The following INTS10 variants were observed in gnomAD, a reference collection of about 807,000 sequenced individuals.
INTS10 encodes the protein chromosome 8 open reading frame 35.
In INTS10, 44 loss-of-function variants were observed where a neutral mutation model predicts 94.4. The observed-to-expected ratio is 0.47, with a 90% CI of 0.37 to 0.60. The LOEUF (loss-of-function observed/expected upper bound fraction) is 0.60. Ranked by LOEUF, INTS10 falls within the 20% of genes least tolerant of loss-of-function variation. The pLI, the probability that INTS10 is intolerant of heterozygous loss-of-function variation, is 0.00. For missense variants in INTS10, 797 were observed against 868.7 expected (o/e 0.92, Z 1.04); for synonymous variants, 341 against 320.7 (o/e 1.06, Z -0.68).
At chr8:19,825,732 C>T (rs989460948) in intron 8 of INTS10, among the ~76,000 whole-genome samples, 3 of 151,876 alleles carry the variant, frequency 2.0e-5, no homozygotes, top group South Asian at 2.1e-4. Context: ...GTCGTTTTTA[C>T]GTATTGCCTT....
chr8:19,850,463 C>G (rs1196852463), intron 16 of INTS10, among the ~76,000 whole-genome samples: 1 of 149,576 alleles, frequency 6.7e-6, no homozygotes, highest in African/African-American at 2.5e-5. Flanking sequence ...TCTGTGATAG[C>G]TTTACTTATC....
chr8:19,817,793 C>G, intron 1 of INTS10, 127 bp downstream of exon 1: 12 of 1,153,674 alleles, frequency 1.0e-5, no homozygotes, highest in Non-Finnish European at 1.4e-5. Context: ...CTGCTTTCTC[C>G]CCTCCCACCC....
At chr8:19,828,989 C>G (rs2067025395) in intron 9 of INTS10, among the ~76,000 whole-genome samples, 1 of 152,054 alleles carries the variant, frequency 6.6e-6, no homozygotes, top group Non-Finnish European at 1.5e-5. Context: ...AGGAAGATAC[C>G]AAGCTCAGAA....
In INTS10 at chr8:19,851,694, C is replaced by T; in HGVS notation, c.2022C>T (p.Asp674=). 1 of 1,614,174 alleles carries T rather than the reference C, an allele frequency of 6.2e-7. No individual in the cohort carries two copies. The highest frequency in any genetic ancestry group is 1.1e-5 in the South Asian group (1 of 91,084). ...TRGITKGVKE[D]FRLAMERQVS... ...GCATCACCAAAGGCGTGAAGGAGGACTTTCGCCTGGCCATGGAGCGCCAGG... is the reference window on the plus strand; with the variant it reads ...GCATCACCAAAGGCGTGAAGGAGGATTTTCGCCTGGCCATGGAGCGCCAGG... The change falls in exon 17 of 17, where the codon GAC becomes GAT. Residue 674 remains aspartate (D), a synonymous_variant. Transcript: ENST00000397977. This position sits in a 1 kb window ranked among gnomAD's most constrained non-coding sequence, Gnocchi z 5.0.
chr8:19,825,122 G>A (rs949455219), intron 8 of INTS10, 150 bp downstream of exon 8: 1 of 667,152 alleles, frequency 1.5e-6, no homozygotes, highest in Admixed American at 3.2e-5. Context: ...GTTTTGTTTA[G>A]TTTGGCTTAA....
Position 19,851,775 on chromosome 8 carries a change from G to A in INTS10, c.2103G>A (p.Glu701=), listed in dbSNP as rs772178821. The A allele has an allele frequency of 6.2e-7, 1 of 1,614,068 alleles. No homozygotes were observed. Residue 701 remains glutamate, a synonymous_variant, in exon 17 of 17, where the codon GAG becomes GAA. Coordinates refer to ENST00000397977, the MANE Select transcript of INTS10 (RefSeq NM_018142.4). The surrounding 1 kb of genome is among the most constrained non-coding windows in gnomAD (Gnocchi z 5.0). ...MVVLHRFCIN[E]KILLLQTLT is the part of the protein sequence containing the mutation. ...TTCTGCACAGGTTCTGCATTAATGA[G>A]AAGATCTTGCTCCTTCAGACTCTGA... is the stretch of plus-strand genomic sequence containing the variant.
chr8:19,818,191 C>T (rs771317288), intron 1 of INTS10, 84 bp from the exon 2 acceptor site: 1 of 1,315,258 alleles, frequency 7.6e-7, no homozygotes, highest in South Asian at 1.2e-5. Flanking sequence ...TCCCTTCCTG[C>T]AGGAGGGCCA....
At chr8:19,824,311 G>A (rs2066622686) in intron 7 of INTS10, 1 of 254,912 alleles carries the variant, frequency 3.9e-6, no homozygotes, top group Non-Finnish European at 7.4e-6. Context: ...AGCCAACATG[G>A]TGAAACCCCA....
intron 2 of INTS10, 143 bp downstream of exon 2, chr8:19,818,485 A>G (rs1589898788): frequency 1.4e-6 from 1 of 719,448 alleles, no homozygotes. Context: ...TAAGGAGTCC[A>G]GGCCTGCCAT....
chr8:19,838,213 G>C (rs1447962954), intron 13 of INTS10, among the ~76,000 whole-genome samples: 1 of 151,962 alleles, frequency 6.6e-6, no homozygotes, highest in Admixed American at 6.6e-5. Context: ...AAAATTACCC[G>C]GGTGTGGTGG....
In INTS10 at chr8:19,849,067, T is replaced by C. The variant is rs2068809268; in HGVS notation, c.1977-2582T>C. The C allele has an allele frequency of 7.9e-6, 4 of 507,412 alleles. No homozygotes were observed. The Admixed American group carries it at 9.8e-5, about 12-fold the overall frequency. The allele number at this position is 507,412 out of a possible 1,614,324, so 31.4% of individuals were successfully genotyped here. ...GTTAATGAGTTTCTGTTTAGTCTGC[T>C]TCTAGTCTTGTGTATTTTCTCTGGA... On this transcript the variant is annotated intron_variant, in intron 16 of 16. Coordinates refer to ENST00000397977, the MANE Select transcript of INTS10 (RefSeq NM_018142.4). This position sits in a 1 kb window ranked among gnomAD's most constrained non-coding sequence, Gnocchi z 4.6.
intron 3 of INTS10, 66 bp downstream of exon 3, chr8:19,819,742 CAAAA>C: frequency 1.6e-6 from 2 of 1,225,572 alleles, no homozygotes; most frequent in South Asian, 2.6e-5. Context: ...ATTTCACACA[CAAAA>C]AAGTCACACC....
intron 13 of INTS10, among the ~76,000 whole-genome samples, chr8:19,839,553 G>A (rs971364126): frequency 6.6e-6 from 1 of 151,848 alleles, no homozygotes; most frequent in Non-Finnish European, 1.5e-5. Context: ...TTAAAAATCA[G>A]TCAGGCTTAG....
chr8:19,824,741 C>G (rs2066657712), intron 7 of INTS10, 62 bp from the exon 8 acceptor site: 1 of 1,229,126 alleles, frequency 8.1e-7, no homozygotes, highest in Non-Finnish European at 1.1e-6. Flanking sequence ...GAGCTTTTCT[C>G]TAGACTTCTT....
chr8:19,851,558 G>A lies in INTS10; in HGVS notation c.1977-91G>A. On this transcript the variant is annotated intron_variant, in intron 16 of 16. Coordinates refer to ENST00000397977, the MANE Select transcript of INTS10 (RefSeq NM_018142.4). This position sits in a 1 kb window ranked among gnomAD's most constrained non-coding sequence, Gnocchi z 5.0. Reference sequence around the variant, plus strand: ...AATATCTGAAATTATACTTAGATATGGGGCAGGCTTTATTCCTACCCAAGT... The same window carrying A: ...AATATCTGAAATTATACTTAGATATAGGGCAGGCTTTATTCCTACCCAAGT... The A allele has an allele frequency of 1.8e-6, 2 of 1,099,404 alleles. No individual in the cohort carries two copies. Among genetic ancestry groups the A allele is most frequent in the South Asian group, 2.7e-5 (2 of 73,450 alleles). The allele number at this position is 1,099,404 out of a possible 1,614,324, so 68.1% of individuals were successfully genotyped here. A position where few individuals can be genotyped will look rare whatever the true frequency, so the allele number is the denominator to read the frequency against.
intron 9 of INTS10, among the ~76,000 whole-genome samples, chr8:19,829,004 G>T (rs2067026200): frequency 6.6e-6 from 1 of 152,204 alleles, no homozygotes; most frequent in African/African-American, 2.4e-5. Flanking sequence ...TCAGAAAGTG[G>T]AAAGGAAGGT....
chr8:19,822,507 T>A lies in INTS10; in HGVS notation c.510T>A (p.Phe170Leu). The change falls in exon 5 of 17, where the codon TTT becomes TTA. Residue 170 changes from phenylalanine (F) to leucine (L), a missense_variant. Coordinates refer to ENST00000397977, the MANE Select transcript of INTS10 (RefSeq NM_018142.4). ...AACAAGAATCTCCAGTGAACTGCTTTAGAAAATTATTTGGTAAGGAAAATT... is the reference window on the plus strand; with the variant it reads ...AACAAGAATCTCCAGTGAACTGCTTAAGAAAATTATTTGGTAAGGAAAATT... ...IEEQESPVNCFRKLFVCDVLP... is the reference protein window; with the variant it reads ...IEEQESPVNCLRKLFVCDVLP... The A allele has an allele frequency of 6.2e-7, 1 of 1,602,650 alleles. No homozygotes were observed. The highest frequency in any genetic ancestry group is 8.5e-7 in the Non-Finnish European group (1 of 1,169,800).
rs1227009560 is a variant in INTS10, at chr8:19,833,309, A to G, written c.1518A>G (p.Leu506=). 1 of 1,609,908 alleles carries G rather than the reference A, an allele frequency of 6.2e-7. No individual in the cohort carries two copies. Among genetic ancestry groups the G allele is most frequent in the East Asian group, 2.2e-5 (1 of 44,672 alleles). Residue 506 remains leucine, a synonymous_variant, in exon 12 of 17, where the codon CTA becomes CTG. Coordinates refer to ENST00000397977, the MANE Select transcript of INTS10 (RefSeq NM_018142.4). ...AGCTGGCGACGTGCCACTTTGCGCTAGGGGAGTACAGAGTGAGTACTGCAC... is the reference window on the plus strand; with the variant it reads ...AGCTGGCGACGTGCCACTTTGCGCTGGGGGAGTACAGAGTGAGTACTGCAC... The part of the protein sequence containing the change: ...LIQLATCHFA[L]GEYRMTCEKV...
Position 19,822,461 on chromosome 8 carries a change from T to C in INTS10, c.464T>C (p.Leu155Ser). The C allele has an allele frequency of 6.2e-7, 1 of 1,611,784 alleles. No homozygotes were observed. Among genetic ancestry groups the C allele is most frequent in the Middle Eastern group, 1.7e-4 (1 of 6,054 alleles). ...QHGVGLGEAL[L>S]EAETIEEQES... ...TAGGTTGGCCTTGGGGAGGCACTATTAGAGGCTGAAACTATTGAAGAACAA... is the reference window on the plus strand; with the variant it reads ...TAGGTTGGCCTTGGGGAGGCACTATCAGAGGCTGAAACTATTGAAGAACAA... The change falls in exon 5 of 17, where the codon TTA becomes TCA. Residue 155 changes from leucine (L) to serine (S), a missense_variant. Physicochemically the swap from Leu to Ser is moderately radical, Grantham distance 145. Around this residue, in one of 3 missense-constraint regions of INTS10, gnomAD observed 734 missense variants for 787.8 expected, o/e 0.93. Transcript: ENST00000397977.
Sources: gnomAD v4.1 joint callset for allele counts (sites outside exome capture counted in the v4.1 genomes callset) on GRCh38, gnomAD v4.1.1 for gene constraint, gnomAD v4.1.1 regional missense constraint, Gnocchi (gnomAD v3.1) non-coding constraint, MANE v1.5 for transcripts, NCBI Gene and HGNC (gene_info 2026-07-23, HGNC 2026-07-21) for gene names.